ATP6V1D: variants seen among roughly 807,000 people sequenced by gnomAD.
ATP6V1D encodes ATPase H+ transporting V1 subunit D.
Under a neutral mutation model 39.4 loss-of-function variants are expected in ATP6V1D, and 20 were observed. The ratio of observed to expected loss-of-function variants is 0.51; its 90% confidence interval spans 0.36 to 0.74. The LOEUF is 0.74. ATP6V1D is among the 30% of genes least tolerant of loss of function. ATP6V1D has a pLI of 0.00. For synonymous variants in ATP6V1D, 100 were observed against 100.5 expected (o/e 0.99, Z 0.03); for missense variants, 228 against 291.6 (o/e 0.78, Z 1.59).
In ATP6V1D at chr14:67,339,140, C is replaced by T. The variant is rs372236264; in HGVS notation, c.603-378G>A. On this transcript the variant is annotated intron_variant, in intron 8 of 8. Transcript: ENST00000216442. ...CCTCCCGAGTAGCTGGGAATACAGG[C>T]GCATGCTGCCACACCTGGCTAATTT... 8.6e-5 allele frequency among the ~76,000 whole-genome samples: 13 copies of T among 151,900 alleles called. No homozygotes were observed. The East Asian group carries it at 1.9e-3, about 23-fold the overall frequency.
At chr14:67,347,478 G>A in intron 4 of ATP6V1D, 25 bp from the exon 5 acceptor site, 3 of 1,562,038 alleles carry the variant, frequency 1.9e-6, no homozygotes, top group Non-Finnish European at 2.6e-6. Context: ...AGCATACATG[G>A]ATTCATAAAC....
rs1037166460 is a variant in ATP6V1D at position 67,338,198 on chromosome 14, A to G, written c.*423T>C. The G allele has an allele frequency of 1.6e-4, 25 of 154,892 alleles. No individual in the cohort carries two copies. 9.6% of individuals were successfully genotyped at this position (154,892 alleles called of 1,614,324 possible). The stretch of plus-strand genomic sequence containing the variant: ...CAGGTTTTCACAAAGTTTGAGAAGT[A>G]CCATGGTAACAAGAATGGCTGCAGC... On this transcript the variant is annotated 3_prime_UTR_variant, in exon 9 of 9. Coordinates refer to ENST00000216442, the MANE Select transcript of ATP6V1D (RefSeq NM_015994.4).
At chr14:67,339,322 T>C (rs1385268655) in intron 8 of ATP6V1D, among the ~76,000 whole-genome samples, 1 of 152,186 alleles carries the variant, frequency 6.6e-6, no homozygotes, top group East Asian at 1.9e-4. Context: ...GGTTAAATTT[T>C]GAAATCCATT....
At chr14:67,359,151 GA>G (rs2085708520) in intron 1 of ATP6V1D, among the ~76,000 whole-genome samples, 2 of 152,200 alleles carry the variant, frequency 1.3e-5, no homozygotes, top group Non-Finnish European at 2.9e-5. Context: ...GGGGATCCAA[GA>G]TCGAATCCGA....
chr14:67,357,987 G>A (rs771367873), intron 1 of ATP6V1D, among the ~76,000 whole-genome samples: 68 of 152,022 alleles, frequency 4.5e-4, no homozygotes, highest in Non-Finnish European at 8.8e-4. Context: ...AGCCTGTTTC[G>A]TAAATGCTCT....
intron 6 of ATP6V1D, among the ~76,000 whole-genome samples, chr14:67,345,510 G>A (rs1050450939): frequency 1.1e-4 from 17 of 149,330 alleles, no homozygotes; most frequent in Middle Eastern, 7.4e-3. Flanking sequence ...AGCCGAGGTC[G>A]CGCCATTGCA....
At chr14:67,341,966 T>TA (rs1566596804) in intron 7 of ATP6V1D, among the ~76,000 whole-genome samples, 1 of 151,778 alleles carries the variant, frequency 6.6e-6, no homozygotes, top group Non-Finnish European at 1.5e-5. Context: ...TGTGCTTTGT[T>TA]AAACAGATGC....
At chr14:67,346,873 C>T (rs2085622641) in intron 5 of ATP6V1D, among the ~76,000 whole-genome samples, 1 of 152,142 alleles carries the variant, frequency 6.6e-6, no homozygotes, top group Admixed American at 6.6e-5. Context: ...TCAGTGAATT[C>T]ATATTCAAAA....
Position 67,359,795 on chromosome 14 carries a change from A to C in ATP6V1D, c.-97T>G. Reference sequence around the variant, plus strand: ...CACAGTGTCTTCCTCTACGGGAGTCAGCTGGTTGTGTCACTTGACCCCTCT... The same window carrying C: ...CACAGTGTCTTCCTCTACGGGAGTCCGCTGGTTGTGTCACTTGACCCCTCT... On this transcript the variant is annotated 5_prime_UTR_variant, in exon 1 of 9. Coordinates refer to ENST00000216442, the MANE Select transcript of ATP6V1D (RefSeq NM_015994.4). 1 of 1,430,322 alleles carries C rather than the reference A, an allele frequency of 7.0e-7. No homozygotes were observed. The allele number at this position is 1,430,322 out of a possible 1,614,324, so 88.6% of individuals were successfully genotyped here.
At chr14:67,347,159 A>G (rs1379151413) in intron 5 of ATP6V1D, among the ~76,000 whole-genome samples, 1 of 151,890 alleles carries the variant, frequency 6.6e-6, no homozygotes, top group African/African-American at 2.4e-5. Context: ...GATTTTTTAT[A>G]TTTTTTGTAG....
At position 67,347,402 on chromosome 14, in the gene ATP6V1D, C is replaced by T; in HGVS notation, c.352+7G>A. The T allele has an allele frequency of 3.8e-6, 6 of 1,598,784 alleles. No homozygotes were observed. Among genetic ancestry groups the T allele is most frequent in the Non-Finnish European group, 5.1e-6 (6 of 1,167,266 alleles). On this transcript the variant is annotated splice_region_variant and intron_variant, in intron 5 of 8. Coordinates refer to ENST00000216442, the MANE Select transcript of ATP6V1D (RefSeq NM_015994.4). ...ACACAAAGTAATACAAAAAGTTTCA[C>T]ACTTACTGTCAGTTCCTTCATGGTA...
chr14:67,344,909 A>T (rs2085609916), intron 6 of ATP6V1D, among the ~76,000 whole-genome samples: 1 of 151,214 alleles, frequency 6.6e-6, no homozygotes, highest in Admixed American at 6.6e-5. Flanking sequence ...ACAAACAAAA[A>T]AAACAAGAGT....
intron 1 of ATP6V1D, among the ~76,000 whole-genome samples, chr14:67,358,502 T>C (rs1386630213): frequency 6.6e-6 from 1 of 152,006 alleles, no homozygotes; most frequent in African/African-American, 2.4e-5. Context: ...AGGGTCTAAA[T>C]GTCAGGGTCA....
intron 4 of ATP6V1D, chr14:67,348,772 G>A (rs28477898): frequency 0.058 from 16,983 of 292,746 alleles, 672 homozygotes; most frequent in African/African-American, 0.13. Flanking sequence ...CGCCCACCTC[G>A]GCCTCCCAAA....
At chr14:67,354,773 T>C (rs566248039) in intron 1 of ATP6V1D, among the ~76,000 whole-genome samples, 14 of 152,264 alleles carry the variant, frequency 9.2e-5, no homozygotes, top group Admixed American at 2.0e-4. Flanking sequence ...ATGAAAAATA[T>C]GGATTTACTT....
intron 4 of ATP6V1D, among the ~76,000 whole-genome samples, chr14:67,347,934 CAG>C (rs1566599886): frequency 2.6e-4 from 38 of 147,756 alleles, no homozygotes; most frequent in African/African-American, 9.6e-4. Flanking sequence ...TTTTTTGAGA[CAG>C]AGTCTCACTC....
intron 1 of ATP6V1D, among the ~76,000 whole-genome samples, chr14:67,358,260 C>T (rs1471240637): frequency 6.6e-6 from 1 of 152,158 alleles, no homozygotes; most frequent in Non-Finnish European, 1.5e-5. Context: ...ATCTTTATTT[C>T]CCCACAACTA....
chr14:67,340,385 A>G (rs2085570568), intron 8 of ATP6V1D, 55 bp downstream of exon 8: 7 of 1,458,712 alleles, frequency 4.8e-6, no homozygotes, highest in Non-Finnish European at 5.8e-6. Flanking sequence ...CAGCAAATAC[A>G]GCCTTTGGAA....
At chr14:67,356,484 A>C (rs1193611081) in intron 1 of ATP6V1D, among the ~76,000 whole-genome samples, 1 of 152,066 alleles carries the variant, frequency 6.6e-6, no homozygotes, top group African/African-American at 2.4e-5. Flanking sequence ...AAATTCTTAA[A>C]TTATACTGGA....
Sources: allele counts gnomAD v4.1 joint callset (sites outside exome capture counted in the v4.1 genomes callset), GRCh38; gene constraint gnomAD v4.1.1; transcripts MANE v1.5; gene names NCBI Gene and HGNC (gene_info 2026-07-23, HGNC 2026-07-21).